Variants in KMO observed in about 807,000 individuals in gnomAD.
The protein encoded by KMO is kynurenine 3-hydroxylase.
KMO carries 24 observed loss-of-function variants against 57.8 expected under a neutral mutation model. That is an observed-to-expected ratio of 0.42 (90% confidence interval 0.30 to 0.58). KMO has a LOEUF of 0.58. KMO is among the 20% of genes least tolerant of loss of function. KMO has a pLI of 0.22. For synonymous variants in KMO, 210 were observed against 193.6 expected (o/e 1.08, Z -0.70); for missense variants, 483 against 588.2 (o/e 0.82, Z 1.85).
intron 5 of KMO, among the ~76,000 whole-genome samples, chr1:241,558,980 G>C (rs1304934990): frequency 6.6e-6 from 1 of 151,890 alleles, no homozygotes; most frequent in South Asian, 2.1e-4. Flanking sequence ...GGGCGTGTTG[G>C]TGGGCGCCTG....
At chr1:241,568,238 T>C (rs879476581) in intron 9 of KMO, among the ~76,000 whole-genome samples, 2 of 152,224 alleles carry the variant, frequency 1.3e-5, no homozygotes, top group African/African-American at 2.4e-5. Context: ...TAATAATATA[T>C]GATACAGAAA....
At chr1:241,568,073 T>A (rs1458266202) in intron 9 of KMO, among the ~76,000 whole-genome samples, 1 of 152,250 alleles carries the variant, frequency 6.6e-6, no homozygotes, top group African/African-American at 2.4e-5. Context: ...TACTGTTATC[T>A]ATTTCCAAAT....
intron 1 of KMO, among the ~76,000 whole-genome samples, chr1:241,540,535 G>A (rs1220362997): frequency 6.6e-6 from 1 of 152,122 alleles, no homozygotes; most frequent in Non-Finnish European, 1.5e-5. Flanking sequence ...AAGAATAAAA[G>A]TGCATGGCAT....
intron 14 of KMO, among the ~76,000 whole-genome samples, chr1:241,591,364 A>G (rs1031042641): frequency 3.9e-5 from 6 of 152,012 alleles, no homozygotes; most frequent in African/African-American, 1.5e-4. Context: ...ATGCTAAGCT[A>G]CTGTCCAATC....
At position 241,550,960 on chromosome 1, in the gene KMO, A is replaced by G. The variant is rs760909258; in HGVS notation, c.228A>G (p.Val76=). 5 of 1,510,184 alleles carry G rather than the reference A, an allele frequency of 3.3e-6. No homozygotes were observed. In the South Asian group the frequency reaches 6.5e-5, roughly 19 times the overall value. The allele number at this position is 1,510,184 out of a possible 1,614,324, so 93.5% of individuals were successfully genotyped here. Residue 76 remains valine, a synonymous_variant, in exon 4 of 15, where the codon GTA becomes GTG. Transcript: ENST00000366559. ...LKAVGLEDQI[V]SQGIPMRARM... The stretch of plus-strand genomic sequence containing the variant: ...TATTTCTGGTTTCATTTCAGATTGT[A>G]TCCCAAGGTATTCCCATGAGAGCAA...
chr1:241,577,225 T>A (rs1175907603), intron 10 of KMO, among the ~76,000 whole-genome samples: 1 of 152,166 alleles, frequency 6.6e-6, no homozygotes, highest in Non-Finnish European at 1.5e-5. Context: ...GACATCTTTA[T>A]CTGGTATTTC....
chr1:241,589,600 T>G (rs1232168253), intron 12 of KMO, among the ~76,000 whole-genome samples: 1 of 152,192 alleles, frequency 6.6e-6, no homozygotes, highest in Non-Finnish European at 1.5e-5. Flanking sequence ...GTATCTGTCC[T>G]AAAAGAAAGA....
intron 10 of KMO, among the ~76,000 whole-genome samples, chr1:241,579,092 C>T: frequency 6.6e-6 from 1 of 152,094 alleles, no homozygotes; most frequent in East Asian, 1.9e-4. Context: ...GGTGGGGACA[C>T]AGCCAAACCA....
intron 10 of KMO, among the ~76,000 whole-genome samples, chr1:241,581,110 T>C (rs1482631249): frequency 6.6e-6 from 1 of 152,152 alleles, no homozygotes; most frequent in East Asian, 1.9e-4. Context: ...AGTTTTTGTC[T>C]TGAAATCCAT....
rs1663456220 is a variant in KMO at position 241,594,953 on chromosome 1, T to G, written c.*2800T>G. ...CCTCCAAGCTTCAATCTGCACACACTTTCTATGAGGGCAGGTACAACTATT... is the reference window on the plus strand; with the variant it reads ...CCTCCAAGCTTCAATCTGCACACACGTTCTATGAGGGCAGGTACAACTATT... On this transcript the variant is annotated 3_prime_UTR_variant, in exon 15 of 15. Coordinates refer to ENST00000366559, the MANE Select transcript of KMO (RefSeq NM_003679.5). 3 of 389,456 alleles carry G rather than the reference T, an allele frequency of 7.7e-6. No individual in the cohort carries two copies. Among genetic ancestry groups the G allele is most frequent in the African/African-American group, 2.0e-5 (1 of 49,162 alleles). 24.1% of individuals were successfully genotyped at this position (389,456 alleles called of 1,614,324 possible).
chr1:241,581,569 A>G (rs902685202), intron 10 of KMO, among the ~76,000 whole-genome samples: 1 of 152,002 alleles, frequency 6.6e-6, no homozygotes, highest in Non-Finnish European at 1.5e-5. Context: ...ACTGATGACA[A>G]CTTAACCCGG....
At chr1:241,571,224 A>G (rs1480297318) in intron 10 of KMO, among the ~76,000 whole-genome samples, 1 of 152,120 alleles carries the variant, frequency 6.6e-6, no homozygotes, top group Non-Finnish European at 1.5e-5. Flanking sequence ...ATTTTCTGCA[A>G]ACTAGGATAA....
rs1661330680 is a variant in KMO, at chr1:241,549,787, T to G, written c.222+13T>G. 1 of 1,512,042 alleles carries G rather than the reference T, an allele frequency of 6.6e-7. No individual in the cohort carries two copies. The highest frequency in any genetic ancestry group is 9.2e-7 in the Non-Finnish European group (1 of 1,090,190). 93.7% of individuals were successfully genotyped at this position (1,512,042 alleles called of 1,614,324 possible). A position where few individuals can be genotyped will look rare whatever the true frequency, so the allele number is the denominator to read the frequency against. ...CCTGGAAGATCAGGTACTTAATGTATCTTTCTTACAGAAGATAATACCTGG... is the reference window on the plus strand; with the variant it reads ...CCTGGAAGATCAGGTACTTAATGTAGCTTTCTTACAGAAGATAATACCTGG... On this transcript the variant is annotated intron_variant, in intron 3 of 14. Transcript: ENST00000366559.
At chr1:241,562,481 A>C (rs923356808) in intron 7 of KMO, 149 bp downstream of exon 7, 1 of 735,192 alleles carries the variant, frequency 1.4e-6, no homozygotes, top group Non-Finnish European at 2.3e-6. Flanking sequence ...AATGGGATGC[A>C]TGGGTATCTT....
In KMO at chr1:241,592,034, C is replaced by T. The variant is rs754119767; in HGVS notation, c.1342C>T (p.Arg448Ter). The T allele has an allele frequency of 1.4e-5, 23 of 1,613,700 alleles. 1 individual carries two copies. In the South Asian group the frequency reaches 2.4e-4, roughly 17 times the overall value. The change falls in exon 15 of 15, where the codon CGA (arginine) becomes TGA (stop). Residue 448 changes from arginine (R) to a stop codon, truncating the protein, a stop_gained. Transcript: ENST00000366559. LOFTEE classifies it low-confidence loss of function (END_TRUNC). ...TYLLIHYMSP[R>*]SFLRLRRPWN... ...CCTACTTATACACTACATGTCACCA[C>T]GATCTTTCCTCCGCTTGAGAAGACC...
At chr1:241,583,979 A>G (rs1466089176) in intron 10 of KMO, among the ~76,000 whole-genome samples, 1 of 152,154 alleles carries the variant, frequency 6.6e-6, no homozygotes, top group South Asian at 2.1e-4. Context: ...TTACTTATTT[A>G]TTTTTCTTTT....
rs577006805 is a variant in KMO, at chr1:241,547,827, A to G, written c.55-1002A>G. Among the ~76,000 whole-genome samples, 7 of 152,306 alleles carry G rather than the reference A, an allele frequency of 4.6e-5. No individual in the cohort carries two copies. In the East Asian group the frequency reaches 7.7e-4, roughly 17 times the overall value. ...TTGACCAGATATTCCACTTCCATGTATAGAACCCTTGAAAAAAAGTTATCA... is the reference window on the plus strand; with the variant it reads ...TTGACCAGATATTCCACTTCCATGTGTAGAACCCTTGAAAAAAAGTTATCA... On this transcript the variant is annotated intron_variant, in intron 1 of 14. Transcript: ENST00000366559.
chr1:241,534,034 G>T (rs1403913392), intron 1 of KMO, among the ~76,000 whole-genome samples: 1 of 152,250 alleles, frequency 6.6e-6, no homozygotes, highest in Non-Finnish European at 1.5e-5. Flanking sequence ...AGCTGATGAG[G>T]CCAGAAAAGC....
At chr1:241,585,556 G>A (rs1263570366) in intron 10 of KMO, among the ~76,000 whole-genome samples, 1 of 152,064 alleles carries the variant, frequency 6.6e-6, no homozygotes, top group Admixed American at 6.5e-5. Flanking sequence ...TCAAGAGTTT[G>A]AGACCAGTCT....
Sources: allele counts gnomAD v4.1 joint callset (sites outside exome capture counted in the v4.1 genomes callset), GRCh38; gene constraint gnomAD v4.1.1; transcripts MANE v1.5; gene names NCBI Gene and HGNC (gene_info 2026-07-23, HGNC 2026-07-21).